CDC25C: variants seen among roughly 807,000 people sequenced by gnomAD.
The protein encoded by CDC25C is M-phase inducer phosphatase 3.
CDC25C carries 48 observed loss-of-function variants against 52.5 expected under a neutral mutation model. The ratio of observed to expected loss-of-function variants is 0.91; its 90% CI spans 0.72 to 1.16. The LOEUF is 1.16. CDC25C is among the 50% of genes most tolerant of loss of function. The pLI is 0.00. For missense variants in CDC25C, 510 were observed against 566.1 expected (o/e 0.90, Z 1.01); for synonymous variants, 187 against 206.5 (o/e 0.91, Z 0.81).
chr5:138,319,971 A>G (rs1487725465), intron 6 of CDC25C, among the ~76,000 whole-genome samples: 1 of 152,210 alleles, frequency 6.6e-6, no homozygotes, highest in African/African-American at 2.4e-5. Flanking sequence ...TAGAATTATC[A>G]TGTAATCAAG....
intron 10 of CDC25C, among the ~76,000 whole-genome samples, chr5:138,287,616 T>C (rs1756359073): frequency 6.6e-6 from 1 of 151,952 alleles, no homozygotes; most frequent in South Asian, 2.1e-4. Context: ...CAGGAAGAAA[T>C]GCAAAATGGT....
At chr5:138,315,722 G>A (rs1425626489) in intron 7 of CDC25C, among the ~76,000 whole-genome samples, 2 of 152,220 alleles carry the variant, frequency 1.3e-5, no homozygotes, top group African/African-American at 2.4e-5. Flanking sequence ...TCAAGTGGTT[G>A]TCTTGTGAAC....
In CDC25C at chr5:138,291,371, A is replaced by T. The variant is rs539971271; in HGVS notation, c.762+599T>A. Among the ~76,000 whole-genome samples the T allele has an allele frequency of 7.9e-5, 12 of 152,034 alleles. No individual in the cohort carries two copies. In the South Asian group the frequency reaches 2.1e-3, roughly 26 times the overall value. Reference sequence around the variant, plus strand: ...TACCAAAGTTCCCTTGTATTCTTTCAGATCTTAAGAAAAAGGGTTGGGAAG... The same window carrying T: ...TACCAAAGTTCCCTTGTATTCTTTCTGATCTTAAGAAAAAGGGTTGGGAAG... On this transcript the variant is annotated intron_variant, in intron 8 of 13. Transcript: ENST00000323760.
chr5:138,286,275 A>G, intron 12 of CDC25C, 142 bp from the exon 13 acceptor site: 1 of 787,590 alleles, frequency 1.3e-6, no homozygotes, highest in Non-Finnish European at 2.0e-6. Flanking sequence ...TTGCAAAAAA[A>G]GGTCCAAGTA....
chr5:138,311,740 G>T (rs979136922), intron 7 of CDC25C, among the ~76,000 whole-genome samples: 6 of 151,948 alleles, frequency 3.9e-5, no homozygotes, highest in Non-Finnish European at 8.8e-5. Flanking sequence ...TTGCAACAAA[G>T]GGCACAATCA....
At chr5:138,314,652 A>C (rs1214809424) in intron 7 of CDC25C, among the ~76,000 whole-genome samples, 33 of 127,678 alleles carry the variant, frequency 2.6e-4, no homozygotes, top group South Asian at 1.7e-3. Context: ...CTTGTTGCCC[A>C]GGCTGGAGTG....
At chr5:138,320,805 A>T (rs1344049771) in intron 6 of CDC25C, among the ~76,000 whole-genome samples, 1 of 150,084 alleles carries the variant, frequency 6.7e-6, no homozygotes, top group African/African-American at 2.5e-5. Flanking sequence ...AATCCCAGCT[A>T]CTAGGGAGGT....
chr5:138,312,846 A>G (rs1309332126), intron 7 of CDC25C, among the ~76,000 whole-genome samples: 3 of 152,198 alleles, frequency 2.0e-5, no homozygotes, highest in Admixed American at 6.5e-5. Flanking sequence ...TGTGCATTTT[A>G]CAATTTAACA....
chr5:138,331,785 T>TACGGCCTCTGAGCAAGAATATCA lies in CDC25C; in HGVS notation c.-230_-229insTGATATTCTTGCTCAGAGGCCGT, dbSNP rs529125482. On this transcript the variant is annotated 5_prime_UTR_variant, in exon 1 of 14. Coordinates refer to ENST00000323760, the MANE Select transcript of CDC25C (RefSeq NM_001790.5). ...TCTTCCCTGAGCAGAAGGCCAAAGT[T>TACGGCCTCTGAGCAAGAATATCA]ACGGCCTCTGAGCAAGAATATCAAC... 15,038 of 986,166 alleles carry TACGGCCTCTGAGCAAGAATATCA rather than the reference T, an allele frequency of 0.015. 138 individuals are homozygous for TACGGCCTCTGAGCAAGAATATCA. Among genetic ancestry groups the TACGGCCTCTGAGCAAGAATATCA allele is most frequent in the Non-Finnish European group, 0.017 (14,124 of 830,484 alleles). 61.1% of individuals were successfully genotyped at this position (986,166 alleles called of 1,614,324 possible).
At position 138,338,158 on chromosome 5, in the gene CDC25C, G is replaced by A. The variant is rs531082201; in HGVS notation, c.-190C>T. On this transcript the variant is annotated 5_prime_UTR_variant, in exon 1 of 6. Transcript: ENST00000510119. ...CGACACGGAGCTGCGCCCTCCATGG[G>A]TGGCTTGGGGGGATTCTGCGAGCCG... The A allele has an allele frequency of 4.3e-5, 55 of 1,289,712 alleles. No homozygotes were observed. In the African/African-American group the frequency reaches 7.3e-4, roughly 17 times the overall value. The allele number at this position is 1,289,712 out of a possible 1,614,324, so 79.9% of individuals were successfully genotyped here. A position where few individuals can be genotyped will look rare whatever the true frequency, so the allele number is the denominator to read the frequency against.
At chr5:138,334,142 C>T (rs1447497480), upstream of CDC25C, among the ~76,000 whole-genome samples, 2 of 151,952 alleles carry the variant, frequency 1.3e-5, no homozygotes, top group Non-Finnish European at 2.9e-5. Flanking sequence ...CCATATTGTC[C>T]AGGCTGTTCT....
intron 7 of CDC25C, among the ~76,000 whole-genome samples, chr5:138,311,261 G>T (rs946063430): frequency 1.3e-5 from 2 of 152,058 alleles, no homozygotes; most frequent in Non-Finnish European, 2.9e-5. Context: ...ATGAATCAAA[G>T]ACCTAAACTT....
chr5:138,295,247 T>C (rs1216824098), intron 7 of CDC25C, among the ~76,000 whole-genome samples: 3 of 152,208 alleles, frequency 2.0e-5, no homozygotes, highest in Non-Finnish European at 4.4e-5. Flanking sequence ...GTGATTAACA[T>C]CTGCATATAG....
rs919683573 is a variant in CDC25C at position 138,286,123 on chromosome 5, G to A, written c.1171C>T (p.Leu391=). 38 of 1,613,446 alleles carry A rather than the reference G, an allele frequency of 2.4e-5. No homozygotes were observed. Among genetic ancestry groups the A allele is most frequent in the Non-Finnish European group, 3.2e-5 (38 of 1,179,464 alleles). Residue 391 remains leucine (L), a synonymous_variant, in exon 13 of 14, where the codon CTG becomes TTG. Coordinates refer to ENST00000323760, the MANE Select transcript of CDC25C (RefSeq NM_001790.5). ...TTCAGAGACCTGTCCTCTTCACGCAGACAGCGGCACCTTTAGAGAGAACCC... is the reference window on the plus strand; with the variant it reads ...TTCAGAGACCTGTCCTCTTCACGCAAACAGCGGCACCTTTAGAGAGAACCC... ...SERGPRMCRC[L]REEDRSLNQY...
At chr5:138,301,666 A>C (rs1757633745) in intron 7 of CDC25C, among the ~76,000 whole-genome samples, 1 of 145,978 alleles carries the variant, frequency 6.9e-6, no homozygotes, top group African/African-American at 2.6e-5. Context: ...GAAGATCAAT[A>C]TCTCTCATGA....
chr5:138,303,963 G>A (rs189538161), intron 7 of CDC25C, among the ~76,000 whole-genome samples: 8 of 152,246 alleles, frequency 5.3e-5, no homozygotes, highest in Non-Finnish European at 8.8e-5. Flanking sequence ...CAGATTATAT[G>A]GGTATAAAAG....
chr5:138,315,323 A>G (rs12519407), intron 7 of CDC25C, among the ~76,000 whole-genome samples: 1 of 151,964 alleles, frequency 6.6e-6, no homozygotes, highest in Non-Finnish European at 1.5e-5. Context: ...ACTCCATCAC[A>G]GGTACATATG....
At chr5:138,328,792 G>A (rs1319302905) in intron 3 of CDC25C, 2 of 300,488 alleles carry the variant, frequency 6.7e-6, no homozygotes, top group East Asian at 5.6e-5. Context: ...TTTTCTTATG[G>A]GTAGAAAAGA....
chr5:138,303,493 G>A (rs1315331062), intron 7 of CDC25C, among the ~76,000 whole-genome samples: 2 of 151,952 alleles, frequency 1.3e-5, no homozygotes, highest in East Asian at 1.9e-4. Flanking sequence ...TGCTCCCTCC[G>A]CTTCAGCCAC....
Sources: allele counts gnomAD v4.1 joint callset (sites outside exome capture counted in the v4.1 genomes callset), GRCh38; gene constraint gnomAD v4.1.1; transcripts MANE v1.5; gene names NCBI Gene and HGNC (gene_info 2026-07-23, HGNC 2026-07-21).